Variants in DLGAP2 observed in about 807,000 individuals in gnomAD.
DLGAP2 encodes the protein disks large-associated protein 2.
DLGAP2 carries 26 observed loss-of-function variants against 100.3 expected under a neutral mutation model. The ratio of observed to expected loss-of-function variants is 0.26; its 90% confidence interval spans 0.19 to 0.36. The LOEUF (loss-of-function observed/expected upper bound fraction) is 0.36, where lower values mean the gene tolerates loss of function less well. Among genes scored for constraint, DLGAP2 ranks in the 10% least tolerant of loss-of-function variants. The pLI is 1.00. For missense variants in DLGAP2, 1,858 were observed against 1,453.2 expected, an observed-to-expected ratio of 1.28 and a Z score of -4.53; for synonymous variants, 886 against 630.1, an observed-to-expected ratio of 1.41 and a Z score of -6.08.
At chr8:1,407,833 C>T (rs1796612858) in intron 3 of DLGAP2, among the ~76,000 whole-genome samples, 1 of 148,356 alleles carries the variant, frequency 6.7e-6, no homozygotes, top group Non-Finnish European at 1.5e-5. Flanking sequence ...GCGCCACCTC[C>T]TCATCCTCCG....
rs369303780 is a variant in DLGAP2 at position 842,026 on chromosome 8, T to A, written c.19-65886T>A. ...TGACTACGGAAGACACCAAGTACCTTTCTCACATGCTCCCCTGTGTCCTGC... is the reference window on the plus strand; with the variant it reads ...TGACTACGGAAGACACCAAGTACCTATCTCACATGCTCCCCTGTGTCCTGC... On this transcript the variant is annotated intron_variant, in intron 1 of 14. Coordinates refer to ENST00000637795, the MANE Select transcript of DLGAP2 (RefSeq NM_001346810.2). Among the ~76,000 whole-genome samples, 241 of 152,292 alleles carry A rather than the reference T, an allele frequency of 1.6e-3. 13 individuals carry two copies. In the South Asian group the frequency reaches 0.05, roughly 31 times the overall value.
intron 12 of DLGAP2, among the ~76,000 whole-genome samples, chr8:1,684,225 T>C (rs1234745504): frequency 1.3e-5 from 2 of 151,758 alleles, no homozygotes; most frequent in Admixed American, 1.3e-4. Flanking sequence ...CTTGATACTT[T>C]TTGTGATTTT....
chr8:1,114,397 G>T (rs575137300), intron 2 of DLGAP2, among the ~76,000 whole-genome samples: 16 of 152,186 alleles, frequency 1.1e-4, no homozygotes, highest in African/African-American at 3.9e-4. Flanking sequence ...GTCTGCTCAA[G>T]GAATCAGCTT....
At chr8:804,340 A>G (rs1415968392) in intron 1 of DLGAP2, among the ~76,000 whole-genome samples, 1 of 152,182 alleles carries the variant, frequency 6.6e-6, no homozygotes, top group Non-Finnish European at 1.5e-5. Context: ...AAGTTCAAAG[A>G]GAGGCAGGCA....
intron 1 of DLGAP2, among the ~76,000 whole-genome samples, chr8:830,127 C>T (rs1467176073): frequency 6.6e-6 from 1 of 152,144 alleles, no homozygotes; most frequent in Admixed American, 6.5e-5. Flanking sequence ...CAATATTATA[C>T]ATGTAACATT....
intron 2 of DLGAP2, among the ~76,000 whole-genome samples, chr8:1,241,831 T>G (rs749911592): frequency 1.2e-4 from 18 of 152,228 alleles, no homozygotes; most frequent in Non-Finnish European, 1.8e-4. Context: ...TTAAATCTTA[T>G]GAGTTAATTT....
intron 2 of DLGAP2, among the ~76,000 whole-genome samples, chr8:1,076,233 C>A (rs529094039): frequency 5.3e-5 from 8 of 152,304 alleles, no homozygotes; most frequent in Non-Finnish European, 1.2e-4. Flanking sequence ...CGCCTTCCTG[C>A]CTGTGAAGGA....
At chr8:1,083,289 G>A (rs192499790) in intron 2 of DLGAP2, among the ~76,000 whole-genome samples, 13 of 152,348 alleles carry the variant, frequency 8.5e-5, no homozygotes, top group East Asian at 7.7e-4. Flanking sequence ...AAGGCCAAGC[G>A]TGGGACATGA....
intron 2 of DLGAP2, among the ~76,000 whole-genome samples, chr8:1,145,401 G>A (rs1262703709): frequency 6.6e-6 from 1 of 152,188 alleles, no homozygotes; most frequent in African/African-American, 2.4e-5. Flanking sequence ...CGTGGGGCCT[G>A]GGAGACCTGG....
In DLGAP2 at chr8:1,548,906, G is replaced by A. The variant is rs769632607; in HGVS notation, c.453G>A (p.Val151=). Residue 151 remains valine, a synonymous_variant, in exon 5 of 15, where the codon GTG becomes GTA. Transcript: ENST00000637795. ...CGGAGTGCGTGATGATGCCGGTGGT[G>A]CTGGGCGACCACGTGTCCAGCAGCA... The part of the protein sequence containing the change: ...VHSECVMMPV[V]LGDHVSSSTF... 1.7e-5 allele frequency: 27 copies of A among 1,597,722 alleles called. No individual in the cohort carries two copies. In the East Asian group the frequency reaches 5.8e-4, roughly 34 times the overall value.
chr8:1,266,397 A>C (rs1268981010), intron 3 of DLGAP2, among the ~76,000 whole-genome samples: 6 of 152,220 alleles, frequency 3.9e-5, no homozygotes, highest in Non-Finnish European at 8.8e-5. Flanking sequence ...AGCAGGAAGC[A>C]GCATCTCTGC....
At chr8:1,075,043 C>T (rs1803561773) in intron 2 of DLGAP2, among the ~76,000 whole-genome samples, 1 of 151,574 alleles carries the variant, frequency 6.6e-6, no homozygotes. Context: ...CTACATCTCA[C>T]AACAGTGCAG....
chr8:798,486 C>T (rs1796082188), intron 1 of DLGAP2, among the ~76,000 whole-genome samples: 1 of 145,804 alleles, frequency 6.9e-6, no homozygotes, highest in Admixed American at 6.8e-5. Flanking sequence ...GTGCCTGCTT[C>T]CGTTGGCACT....
chr8:1,616,523 A>C lies in DLGAP2; in HGVS notation c.1443-10217A>C, dbSNP rs372311534. On this transcript the variant is annotated intron_variant, in intron 6 of 14. Coordinates refer to ENST00000637795, the MANE Select transcript of DLGAP2 (RefSeq NM_001346810.2). ...AAGGGGTCAAACAGAAACCAGAGGAATAATTAGAAAATTATGACTGCCTTA... is the reference window on the plus strand; with the variant it reads ...AAGGGGTCAAACAGAAACCAGAGGACTAATTAGAAAATTATGACTGCCTTA... Among the ~76,000 whole-genome samples the C allele has an allele frequency of 1.8e-4, 28 of 152,334 alleles. No individual in the cohort carries two copies. In the South Asian group the frequency reaches 2.7e-3, roughly 15 times the overall value.
At chr8:948,275 G>A (rs2129006988) in intron 2 of DLGAP2, among the ~76,000 whole-genome samples, 1 of 152,380 alleles carries the variant, frequency 6.6e-6, no homozygotes, top group African/African-American at 2.4e-5. Flanking sequence ...TGTTTCCTGG[G>A]TGCTGTGATG....
At chr8:1,545,170 C>T (rs886927646) in intron 4 of DLGAP2, among the ~76,000 whole-genome samples, 1 of 152,104 alleles carries the variant, frequency 6.6e-6, no homozygotes, top group African/African-American at 2.4e-5. Context: ...AGCATTCCTG[C>T]CTATTCTAGT....
intron 3 of DLGAP2, among the ~76,000 whole-genome samples, chr8:1,496,010 G>A (rs538160719): frequency 3.1e-4 from 47 of 152,220 alleles, no homozygotes; most frequent in Admixed American, 7.8e-4. Flanking sequence ...TGGGGCCCCC[G>A]GCACGGTTCT....
intron 2 of DLGAP2, among the ~76,000 whole-genome samples, chr8:1,228,199 C>T (rs1352824483): frequency 6.6e-6 from 1 of 151,606 alleles, no homozygotes; most frequent in Non-Finnish European, 1.5e-5. Flanking sequence ...GCACGTTGTG[C>T]ACATGTACCC....
chr8:1,036,888 C>G (rs1012121106), intron 2 of DLGAP2, among the ~76,000 whole-genome samples: 1 of 152,198 alleles, frequency 6.6e-6, no homozygotes, highest in African/African-American at 2.4e-5. Flanking sequence ...GAAACATAAG[C>G]TGCTTTTTTT....
Sources: allele counts gnomAD v4.1 joint callset (sites outside exome capture counted in the v4.1 genomes callset), GRCh38; gene constraint gnomAD v4.1.1; transcripts MANE v1.5; gene names NCBI Gene and HGNC (gene_info 2026-07-23, HGNC 2026-07-21).